Variants in CNTN5 observed in about 807,000 individuals in gnomAD.
The protein encoded by CNTN5 is contactin-5.
CNTN5 carries 77 observed loss-of-function variants against 129.1 expected under a neutral mutation model. That is an observed-to-expected ratio of 0.60 (90% CI 0.50 to 0.72). The LOEUF is 0.72. Ranked by LOEUF, CNTN5 falls within the 30% of genes least tolerant of loss-of-function variation. CNTN5 has a pLI of 0.00. For synonymous variants in CNTN5, 509 were observed against 465.6 expected (o/e 1.09, Z -1.20); for missense variants, 1,478 against 1,328.8 (o/e 1.11, Z -1.75).
At chr11:99,302,719 A>G (rs1864699352) in intron 1 of CNTN5, among the ~76,000 whole-genome samples, 1 of 151,740 alleles carries the variant, frequency 6.6e-6, no homozygotes, top group African/African-American at 2.4e-5. Flanking sequence ...AGGGAACTGC[A>G]TGCTTTAAAT....
intron 3 of CNTN5, among the ~76,000 whole-genome samples, chr11:99,683,344 T>A (rs917181548): frequency 6.6e-6 from 1 of 151,926 alleles, no homozygotes; most frequent in African/African-American, 2.4e-5. Flanking sequence ...AAGTTTTATG[T>A]TTTCCATATG....
At chr11:99,568,722 A>G (rs182726606) in intron 3 of CNTN5, among the ~76,000 whole-genome samples, 1 of 152,244 alleles carries the variant, frequency 6.6e-6, no homozygotes. Flanking sequence ...TATAATATGT[A>G]AAACGAACCA....
intron 3 of CNTN5, among the ~76,000 whole-genome samples, chr11:99,735,184 C>T (rs1426157727): frequency 6.6e-6 from 1 of 150,764 alleles, no homozygotes; most frequent in Non-Finnish European, 1.5e-5. Flanking sequence ...GAAGAGATTA[C>T]GTTCTAAGGT....
At chr11:99,960,608 G>A (rs2123687) in intron 8 of CNTN5, among the ~76,000 whole-genome samples, 39,233 of 151,942 alleles carry the variant, frequency 0.26, 5,931 homozygotes, top group South Asian at 0.35. Context: ...GAAAAATAAG[G>A]CTAATAACAT....
intron 23 of CNTN5, among the ~76,000 whole-genome samples, chr11:100,346,804 T>A (rs1952291466): frequency 6.6e-6 from 1 of 152,102 alleles, no homozygotes; most frequent in African/African-American, 2.4e-5. Context: ...GCTAATAAAG[T>A]CATTCCTGAG....
intron 4 of CNTN5, among the ~76,000 whole-genome samples, chr11:99,835,153 T>C (rs1947262748): frequency 6.6e-6 from 1 of 152,186 alleles, no homozygotes; most frequent in African/African-American, 2.4e-5. Flanking sequence ...GCGGGTAAGA[T>C]CAGTACCATC....
chr11:99,884,990 CAGGG>C (rs1948863229), intron 6 of CNTN5, among the ~76,000 whole-genome samples: 1 of 151,854 alleles, frequency 6.6e-6, no homozygotes, highest in Non-Finnish European at 1.5e-5. Flanking sequence ...ACAAACAAAA[CAGGG>C]AGAAAAATCC....
chr11:100,005,275 C>A (rs1303015818), intron 9 of CNTN5, among the ~76,000 whole-genome samples: 1 of 152,138 alleles, frequency 6.6e-6, no homozygotes, highest in African/African-American at 2.4e-5. Context: ...GTCCCCCCCA[C>A]AAATACATCA....
intron 3 of CNTN5, among the ~76,000 whole-genome samples, chr11:99,636,450 G>A (rs962761822): frequency 6.6e-5 from 10 of 151,550 alleles, no homozygotes; most frequent in Non-Finnish European, 2.9e-5. Context: ...TTCTGTTCTG[G>A]CCTATCAGTG....
chr11:99,202,690 A>G (rs1355706709), intron 1 of CNTN5, among the ~76,000 whole-genome samples: 1 of 151,838 alleles, frequency 6.6e-6, no homozygotes, highest in Non-Finnish European at 1.5e-5. Flanking sequence ...AAGAAACAAT[A>G]TAGAAACACA....
chr11:99,986,202 C>T (rs962153350), intron 8 of CNTN5, among the ~76,000 whole-genome samples: 22 of 152,186 alleles, frequency 1.4e-4, no homozygotes, highest in Non-Finnish European at 2.6e-4. Context: ...AAACTTTCTC[C>T]TCTGTCAGCT....
At chr11:99,308,727 G>T (rs886580542) in intron 1 of CNTN5, among the ~76,000 whole-genome samples, 3 of 152,050 alleles carry the variant, frequency 2.0e-5, no homozygotes, top group African/African-American at 7.2e-5. Flanking sequence ...TTTCAATAAT[G>T]TCCCAGTCAA....
intron 3 of CNTN5, among the ~76,000 whole-genome samples, chr11:99,643,343 G>T (rs1951837978): frequency 6.6e-6 from 1 of 152,028 alleles, no homozygotes; most frequent in Non-Finnish European, 1.5e-5. Context: ...ACATAATGAG[G>T]CAATACCTTG....
At chr11:99,195,204 T>TA (rs1427802085) in intron 1 of CNTN5, among the ~76,000 whole-genome samples, 1 of 152,196 alleles carries the variant, frequency 6.6e-6, no homozygotes, top group African/African-American at 2.4e-5. Flanking sequence ...TTTTAGCAGG[T>TA]AAAAATATAT....
intron 3 of CNTN5, among the ~76,000 whole-genome samples, chr11:99,670,207 T>A (rs1169394759): frequency 6.6e-6 from 1 of 152,174 alleles, no homozygotes; most frequent in Non-Finnish European, 1.5e-5. Context: ...GAAGTCACCC[T>A]ATTGCAAATT....
At chr11:99,380,518 C>T (rs1225860065) in intron 2 of CNTN5, among the ~76,000 whole-genome samples, 2 of 151,816 alleles carry the variant, frequency 1.3e-5, no homozygotes, top group Non-Finnish European at 2.9e-5. Flanking sequence ...GCCTGTAATC[C>T]CAGCACTTCG....
intron 13 of CNTN5, among the ~76,000 whole-genome samples, chr11:100,091,421 ATTCTTTTTTT>A (rs1944777420): frequency 9.5e-6 from 1 of 105,598 alleles, no homozygotes; most frequent in Non-Finnish European, 2.0e-5. Flanking sequence ...TTTTTTATTT[ATTCTTTTTTT>A]TTTTTTTTTT....
At chr11:100,048,080 G>A (rs1174449826) in intron 9 of CNTN5, among the ~76,000 whole-genome samples, 1 of 152,076 alleles carries the variant, frequency 6.6e-6, no homozygotes, top group African/African-American at 2.4e-5. Context: ...GCAGTGAGTC[G>A]AGATCGCGCC....
At chr11:99,256,875 A>C (rs1301381520) in intron 1 of CNTN5, among the ~76,000 whole-genome samples, 1 of 152,116 alleles carries the variant, frequency 6.6e-6, no homozygotes, top group East Asian at 1.9e-4. Context: ...TCTCCTTCAA[A>C]ATGTTTAGAA....
Sources: allele counts gnomAD v4.1 joint callset (sites outside exome capture counted in the v4.1 genomes callset), GRCh38; gene constraint gnomAD v4.1.1; transcripts MANE v1.5; gene names NCBI Gene and HGNC (gene_info 2026-07-23, HGNC 2026-07-21).